GXYLT1: variants seen among roughly 807,000 people sequenced by gnomAD.
The protein encoded by GXYLT1 is glucoside xylosyltransferase 1, also known as glycosyltransferase 8 domain containing 3.
In GXYLT1, 29 loss-of-function variants were observed where a neutral mutation model predicts 54.0. The observed-to-expected ratio is 0.54, with a 90% CI of 0.40 to 0.73. GXYLT1 has a LOEUF of 0.73. GXYLT1 is among the 30% of genes least tolerant of loss of function. GXYLT1 has a pLI of 0.00. For missense variants in GXYLT1, 490 were observed against 553.4 expected (o/e 0.89, Z 1.15); for synonymous variants, 176 against 204.1 (o/e 0.86, Z 1.17).
chr12:42,111,264 G>A (rs767989190), intron 3 of GXYLT1, among the ~76,000 whole-genome samples: 1 of 152,238 alleles, frequency 6.6e-6, no homozygotes, highest in African/African-American at 2.4e-5. Flanking sequence ...TCTCACTGGG[G>A]AGTGCCAGAC....
chr12:42,106,178 AT>A, intron 4 of GXYLT1, 109 bp from the exon 5 acceptor site: 1 of 695,052 alleles, frequency 1.4e-6, no homozygotes, highest in East Asian at 2.9e-5. Flanking sequence ...AATTTATATT[AT>A]TTTATTTTAA....
intron 5 of GXYLT1, among the ~76,000 whole-genome samples, chr12:42,101,500 A>G (rs1013507334): frequency 2.0e-5 from 3 of 152,216 alleles, no homozygotes. Context: ...ATATTTACTA[A>G]ATGAAAAAAG....
At chr12:42,106,109 T>C in intron 4 of GXYLT1, 40 bp from the exon 5 acceptor site, 1 of 1,452,070 alleles carries the variant, frequency 6.9e-7, no homozygotes, top group Non-Finnish European at 9.5e-7. Flanking sequence ...TATAATTCTA[T>C]TTTAAAAAGA....
At chr12:42,098,785 A>ATATATATG (rs1555139374) in intron 5 of GXYLT1, among the ~76,000 whole-genome samples, 4 of 128,164 alleles carry the variant, frequency 3.1e-5, no homozygotes, top group Non-Finnish European at 6.6e-5. Context: ...ATATATATAT[A>ATATATATG]ATACATGTGT....
chr12:42,105,027 C>A (rs1455438952), intron 5 of GXYLT1, among the ~76,000 whole-genome samples: 1 of 152,140 alleles, frequency 6.6e-6, no homozygotes, highest in Non-Finnish European at 1.5e-5. Context: ...TTATCTTATT[C>A]AGCTGAGAGA....
rs765710698 is a variant in GXYLT1, at chr12:42,097,618, C to A, written c.989-4G>T. The stretch of plus-strand genomic sequence containing the variant: ...CACGGAAAAACAAAAAGGCTTTCTA[C>A]ATAAAGAAAAGACCAAACAATGAAG... On this transcript the variant is annotated splice_region_variant and splice_polypyrimidine_tract_variant and intron_variant, in intron 6 of 7. Coordinates refer to ENST00000398675, the MANE Select transcript of GXYLT1 (RefSeq NM_173601.2). 1 of 1,602,534 alleles carries A rather than the reference C, an allele frequency of 6.2e-7. No homozygotes were observed. The highest frequency in any genetic ancestry group is 8.5e-7 in the Non-Finnish European group (1 of 1,176,632).
intron 2 of GXYLT1, 45 bp downstream of exon 2, chr12:42,129,714 T>G: frequency 8.5e-7 from 1 of 1,181,708 alleles, no homozygotes; most frequent in South Asian, 1.2e-5. Flanking sequence ...ATCAACTATC[T>G]AACCTTATCT....
At chr12:42,141,664 A>T (rs1004604379) in intron 1 of GXYLT1, among the ~76,000 whole-genome samples, 2 of 152,188 alleles carry the variant, frequency 1.3e-5, no homozygotes, top group Non-Finnish European at 2.9e-5. Flanking sequence ...GTTTCTATTT[A>T]TCAATTATAC....
intron 3 of GXYLT1, among the ~76,000 whole-genome samples, chr12:42,116,880 A>G (rs897262783): frequency 1.3e-5 from 2 of 152,188 alleles, no homozygotes; most frequent in Non-Finnish European, 1.5e-5. Context: ...AACCAACCTA[A>G]ATGTCCCACA....
chr12:42,100,724 A>C (rs559493818), intron 5 of GXYLT1, among the ~76,000 whole-genome samples: 88 of 152,266 alleles, frequency 5.8e-4, no homozygotes, highest in Non-Finnish European at 1.0e-3. Context: ...GATAACTCTT[A>C]GAAATAAGTC....
intron 2 of GXYLT1, among the ~76,000 whole-genome samples, 163 bp downstream of exon 2, chr12:42,129,596 T>A (rs186238857): frequency 6.6e-6 from 1 of 152,038 alleles, no homozygotes; most frequent in African/African-American, 2.4e-5. Flanking sequence ...TACTAAAAAA[T>A]AGCAATAACA....
In GXYLT1 at chr12:42,087,611, A is replaced by C; in HGVS notation, c.*175T>G. The C allele has an allele frequency of 1.9e-6, 1 of 535,288 alleles. No homozygotes were observed. The highest frequency in any genetic ancestry group is 3.3e-6 in the Non-Finnish European group (1 of 307,600). 33.2% of individuals were successfully genotyped at this position (535,288 alleles called of 1,614,324 possible). A position where few individuals can be genotyped will look rare whatever the true frequency, so the allele number is the denominator to read the frequency against. On this transcript the variant is annotated 3_prime_UTR_variant, in exon 8 of 8. Coordinates refer to ENST00000398675, the MANE Select transcript of GXYLT1 (RefSeq NM_173601.2). The stretch of plus-strand genomic sequence containing the variant: ...AAAAAATGTTCAATGTTGAGGCCCA[A>C]GATTTTAACTTATTCTTCATTACCT...
chr12:42,144,370 GCCCGCGCCCAGCGC>G (rs897161864), intron 1 of GXYLT1, 42 bp downstream of exon 1: 12 of 1,212,490 alleles, frequency 9.9e-6, no homozygotes, highest in Admixed American at 3.5e-5. Context: ...GCTAGGCCGA[GCCCGCGCCCAGCGC>G]CCCGCGCCCG....
intron 4 of GXYLT1, 96 bp downstream of exon 4, chr12:42,109,469 CT>C: frequency 1.3e-6 from 1 of 770,064 alleles, no homozygotes. Context: ...AATTATTTAA[CT>C]GGAATTATAT....
At chr12:42,108,757 T>A (rs11181325) in intron 4 of GXYLT1, among the ~76,000 whole-genome samples, 26,075 of 152,134 alleles carry the variant, frequency 0.17, 2,275 homozygotes, top group Admixed American at 0.23. Context: ...AGGAATTCCC[T>A]TAATCCACTT....
chr12:42,115,935 T>C (rs915845842), intron 3 of GXYLT1, among the ~76,000 whole-genome samples: 5 of 128,860 alleles, frequency 3.9e-5, no homozygotes, highest in Admixed American at 8.0e-5. Context: ...AACAGAGATA[T>C]AGACCAATGG....
intron 2 of GXYLT1, among the ~76,000 whole-genome samples, chr12:42,127,185 T>C (rs1032931081): frequency 6.6e-6 from 1 of 152,152 alleles, no homozygotes; most frequent in Admixed American, 6.6e-5. Context: ...TTTACCAGTA[T>C]TAAAGTAGAT....
At position 42,084,018 on chromosome 12, in the gene GXYLT1, ATCAGTGAGTAGGG is replaced by A. The variant is rs1312598140; in HGVS notation, c.*3755_*3767del. 1 of 152,128 alleles carries A rather than the reference ATCAGTGAGTAGGG, an allele frequency of 6.6e-6. No individual in the cohort carries two copies. Among genetic ancestry groups the A allele is most frequent in the Non-Finnish European group, 1.5e-5 (1 of 68,044 alleles). The allele number at this position is 152,128 out of a possible 1,614,324, so 9.4% of individuals were successfully genotyped here. The stretch of plus-strand genomic sequence containing the variant: ...TAAAATGTTGAATTGGCACTAAATG[ATCAGTGAGTAGGG>A]TGATTGGGAAACAACTCTAGTACTA... On this transcript the variant is annotated 3_prime_UTR_variant, in exon 8 of 8. Coordinates refer to ENST00000398675, the MANE Select transcript of GXYLT1 (RefSeq NM_173601.2).
At chr12:42,094,188 T>G (rs967701445) in intron 7 of GXYLT1, among the ~76,000 whole-genome samples, 1 of 151,830 alleles carries the variant, frequency 6.6e-6, no homozygotes, top group Non-Finnish European at 1.5e-5. Context: ...ACCTCATCTC[T>G]ATAAAAAATA....
Sources: gnomAD v4.1 joint callset for allele counts (sites outside exome capture counted in the v4.1 genomes callset) on GRCh38, gnomAD v4.1.1 for gene constraint, MANE v1.5 for transcripts, NCBI Gene and HGNC (gene_info 2026-07-23, HGNC 2026-07-21) for gene names.